The following GPC5 variants were observed in gnomAD, a reference collection of about 807,000 sequenced individuals.
GPC5 encodes glypican-5.
A neutral mutation model predicts 53.9 loss-of-function variants in GPC5; 47 were observed. The observed-to-expected ratio is 0.87, with a 90% CI of 0.69 to 1.11. GPC5 has a LOEUF of 1.11. GPC5 is among the 50% of genes most tolerant of loss of function. GPC5 has a pLI of 0.00. For missense variants in GPC5, 748 were observed against 713.1 expected (o/e 1.05, Z -0.56); for synonymous variants, 286 against 263.3 (o/e 1.09, Z -0.84).
chr13:91,580,612 A>G (rs1195139683), intron 2 of GPC5, among the ~76,000 whole-genome samples: 2 of 151,922 alleles, frequency 1.3e-5, no homozygotes, highest in African/African-American at 4.9e-5. Flanking sequence ...AGAGAATGTA[A>G]CTGTTTGACA....
In GPC5 at chr13:91,556,570, T is replaced by TAC. The variant is rs779133756; in HGVS notation, c.325+107658_325+107659dup. Among the ~76,000 whole-genome samples the TAC allele has an allele frequency of 7.9e-4, 118 of 149,776 alleles. No individual in the cohort carries two copies. In the Middle Eastern group the frequency reaches 0.014, roughly 18 times the overall value. On this transcript the variant is annotated intron_variant, in intron 2 of 7. Transcript: ENST00000377067. The stretch of plus-strand genomic sequence containing the variant: ...GTGTGTGTGTGTATATATATATATA[T>TAC]ACACACACACAGACACCCACACACA...
chr13:92,719,137 T>C (rs1444154337), intron 7 of GPC5, among the ~76,000 whole-genome samples: 1 of 151,784 alleles, frequency 6.6e-6, no homozygotes. Flanking sequence ...GACTATAAAA[T>C]GTATTTGAAA....
intron 3 of GPC5, among the ~76,000 whole-genome samples, chr13:91,721,155 A>T (rs2036464518): frequency 7.4e-6 from 1 of 134,994 alleles, no homozygotes; most frequent in Admixed American, 8.2e-5. Context: ...GGGTGGGGGG[A>T]CTGAGTTTCA....
At chr13:91,459,784 G>C (rs1202989097) in intron 2 of GPC5, among the ~76,000 whole-genome samples, 1 of 152,086 alleles carries the variant, frequency 6.6e-6, no homozygotes, top group African/African-American at 2.4e-5. Context: ...CTAACTGTCT[G>C]GCTCTGTAAA....
intron 2 of GPC5, among the ~76,000 whole-genome samples, chr13:91,615,099 C>A (rs185911655): frequency 2.0e-5 from 3 of 151,930 alleles, no homozygotes; most frequent in Non-Finnish European, 4.4e-5. Context: ...ATTAGGATTA[C>A]AAACAACTGC....
At chr13:91,832,870 G>C (rs1594604258) in intron 5 of GPC5, among the ~76,000 whole-genome samples, 1 of 152,154 alleles carries the variant, frequency 6.6e-6, no homozygotes, top group East Asian at 1.9e-4. Flanking sequence ...AAAGCTAGCA[G>C]GAGGCAAGAA....
At chr13:91,959,831 A>G (rs925483182) in intron 6 of GPC5, among the ~76,000 whole-genome samples, 2 of 152,086 alleles carry the variant, frequency 1.3e-5, no homozygotes, top group Non-Finnish European at 2.9e-5. Flanking sequence ...GTCATGCATC[A>G]TATCAACAGA....
At chr13:92,302,710 T>C (rs761474138) in intron 7 of GPC5, among the ~76,000 whole-genome samples, 1 of 152,234 alleles carries the variant, frequency 6.6e-6, no homozygotes, top group Non-Finnish European at 1.5e-5. Flanking sequence ...AACTGCAATT[T>C]ATGCTGTGTA....
rs375272699 is a variant in GPC5, at chr13:91,571,814, C to CGTGT, written c.326-121368_326-121365dup. On this transcript the variant is annotated intron_variant, in intron 2 of 7. Transcript: ENST00000377067. ...GTGTGTGTATATATACACACACATA[C>CGTGT]GTGTGTGTATATATACACATATACT... Among the ~76,000 whole-genome samples the CGTGT allele has an allele frequency of 7.8e-4, 75 of 95,722 alleles. 8 individuals carry two copies. The highest frequency in any genetic ancestry group is 3.4e-3 in the African/African-American group (60 of 17,556). The allele number at this position is 95,722 out of a possible 152,430, so 62.8% of individuals were successfully genotyped here.
At chr13:92,112,191 G>A (rs1359329031) in intron 6 of GPC5, among the ~76,000 whole-genome samples, 1 of 152,106 alleles carries the variant, frequency 6.6e-6, no homozygotes, top group Non-Finnish European at 1.5e-5. Context: ...AAGAGTTAGA[G>A]AATTTAGAAA....
intron 5 of GPC5, among the ~76,000 whole-genome samples, chr13:91,772,704 T>G (rs1283540556): frequency 6.6e-6 from 1 of 152,154 alleles, no homozygotes; most frequent in Non-Finnish European, 1.5e-5. Context: ...GAAAAAACTT[T>G]TAAGAACTTA....
chr13:92,437,959 T>C (rs1877383710), intron 7 of GPC5, among the ~76,000 whole-genome samples: 1 of 152,146 alleles, frequency 6.6e-6, no homozygotes, highest in Non-Finnish European at 1.5e-5. Context: ...ATCTCCCTTT[T>C]GATTAACATG....
intron 5 of GPC5, among the ~76,000 whole-genome samples, chr13:91,819,893 A>G (rs1190107860): frequency 6.6e-6 from 1 of 152,190 alleles, no homozygotes; most frequent in African/African-American, 2.4e-5. Flanking sequence ...ATCCTCCGCA[A>G]CACATAGTAT....
At chr13:92,388,316 G>T (rs1391200810) in intron 7 of GPC5, among the ~76,000 whole-genome samples, 3 of 151,844 alleles carry the variant, frequency 2.0e-5, no homozygotes, top group Non-Finnish European at 2.9e-5. Context: ...TGATATTTTT[G>T]CTAGAAAAAA....
intron 7 of GPC5, among the ~76,000 whole-genome samples, chr13:92,442,080 G>T (rs1877597910): frequency 6.6e-6 from 1 of 152,162 alleles, no homozygotes. Flanking sequence ...TGTATAAAGT[G>T]AAGTGAAATC....
chr13:92,537,861 A>T (rs1394014777), intron 7 of GPC5, among the ~76,000 whole-genome samples: 1 of 152,116 alleles, frequency 6.6e-6, no homozygotes, highest in Admixed American at 6.6e-5. Flanking sequence ...AATAAATCTC[A>T]TCTTAATAGC....
rs374565266 is a variant in GPC5 at position 92,243,699 on chromosome 13, G to C, written c.1561+98710G>C. Among the ~76,000 whole-genome samples the C allele has an allele frequency of 3.2e-5, 3 of 93,824 alleles. No homozygotes were observed. In the East Asian group the frequency reaches 7.4e-4, roughly 23 times the overall value. 61.6% of individuals were successfully genotyped at this position (93,824 alleles called of 152,430 possible). ...TTTATAGAAATATTTTCATTGAATT[G>C]AAGTTCTAATGGAGTAAAAAGTAAA... is the stretch of plus-strand genomic sequence containing the variant. On this transcript the variant is annotated intron_variant, in intron 7 of 7. Transcript: ENST00000377067.
At chr13:91,501,310 A>G (rs1487668813) in intron 2 of GPC5, among the ~76,000 whole-genome samples, 4 of 147,340 alleles carry the variant, frequency 2.7e-5, no homozygotes, top group African/African-American at 1.0e-4. Context: ...TTTGTTACAC[A>G]TGTATATATG....
chr13:91,527,197 C>G (rs1379347039), intron 2 of GPC5, among the ~76,000 whole-genome samples: 2 of 152,328 alleles, frequency 1.3e-5, no homozygotes, highest in East Asian at 1.9e-4. Context: ...GACAAAACAA[C>G]TCCCTTCCAA....
Sources: allele counts gnomAD v4.1 joint callset (sites outside exome capture counted in the v4.1 genomes callset), GRCh38; gene constraint gnomAD v4.1.1; transcripts MANE v1.5; gene names NCBI Gene and HGNC (gene_info 2026-07-23, HGNC 2026-07-21).